SUGCT: variants seen among roughly 807,000 people sequenced by gnomAD.
SUGCT encodes the protein succinyl-CoA:glutarate CoA-transferase.
Under a neutral mutation model 55.0 loss-of-function variants are expected in SUGCT, and 41 were observed. The observed-to-expected ratio is 0.74, with a 90% CI of 0.58 to 0.97. SUGCT has a LOEUF of 0.97. SUGCT is among the 50% of genes least tolerant of loss of function. The probability of loss-of-function intolerance (pLI) is 0.00; values close to 1 mark genes in which losing one functional copy is unlikely to be tolerated. For missense variants in SUGCT, 568 were observed against 547.8 expected, an observed-to-expected ratio of 1.04 and a Z score of -0.37; for synonymous variants, 187 against 200.4, an observed-to-expected ratio of 0.93 and a Z score of 0.56.
At chr7:40,540,596 G>A (rs1419797345) in intron 12 of SUGCT, among the ~76,000 whole-genome samples, 3 of 152,186 alleles carry the variant, frequency 2.0e-5, no homozygotes, top group Non-Finnish European at 2.9e-5. Flanking sequence ...TTACTCTCTG[G>A]GGTATATTAA....
intron 12 of SUGCT, among the ~76,000 whole-genome samples, chr7:40,638,330 T>A (rs1800110592): frequency 6.6e-6 from 1 of 152,224 alleles, no homozygotes. Context: ...AATATTACTC[T>A]TATTTGCATT....
chr7:40,911,544 G>C, the SUGCT span, among the ~76,000 whole-genome samples: 4 of 149,852 alleles, frequency 2.7e-5, no homozygotes, highest in Non-Finnish European at 5.9e-5. Context: ...CTCCAGCCTG[G>C]GTGGCAGAGT....
At chr7:40,958,911 C>T in the SUGCT span, among the ~76,000 whole-genome samples, 5 of 152,158 alleles carry the variant, frequency 3.3e-5, no homozygotes, top group Admixed American at 3.3e-4. Flanking sequence ...TTCCTTCTAA[C>T]AGTCAGGCCC....
the SUGCT span, among the ~76,000 whole-genome samples, chr7:40,984,737 C>T: frequency 0.016 from 2,380 of 152,204 alleles, 67 homozygotes; most frequent in African/African-American, 0.054. Context: ...TGGACAATGT[C>T]GGTGGAAACA....
At chr7:40,369,090 C>G (rs568861689) in intron 9 of SUGCT, among the ~76,000 whole-genome samples, 1 of 148,680 alleles carries the variant, frequency 6.7e-6, no homozygotes, top group Non-Finnish European at 1.5e-5. Context: ...GGTAACAGAG[C>G]GAGACTCTAT....
chr7:40,490,204 CTG>C (rs1286614552), intron 11 of SUGCT, among the ~76,000 whole-genome samples: 1 of 152,200 alleles, frequency 6.6e-6, no homozygotes, highest in African/African-American at 2.4e-5. Flanking sequence ...GACCTGTGGT[CTG>C]TGTTTCCTGC....
At chr7:40,993,988 A>G in the SUGCT span, among the ~76,000 whole-genome samples, 1 of 152,192 alleles carries the variant, frequency 6.6e-6, no homozygotes, top group African/African-American at 2.4e-5. Context: ...TAGTTACCCA[A>G]TTGCCTGACT....
intron 11 of SUGCT, among the ~76,000 whole-genome samples, chr7:40,464,283 T>C (rs1789978587): frequency 6.6e-6 from 1 of 152,182 alleles, no homozygotes; most frequent in South Asian, 2.1e-4. Flanking sequence ...GCTCATGGTC[T>C]AATTAGGAAA....
intron 12 of SUGCT, among the ~76,000 whole-genome samples, chr7:40,651,374 C>A (rs1325513748): frequency 6.6e-6 from 1 of 151,966 alleles, no homozygotes; most frequent in Non-Finnish European, 1.5e-5. Flanking sequence ...TGTTTCTTGG[C>A]CACATGAATG....
At chr7:40,439,784 T>C (rs890443840) in intron 9 of SUGCT, among the ~76,000 whole-genome samples, 1 of 152,202 alleles carries the variant, frequency 6.6e-6, no homozygotes, top group Non-Finnish European at 1.5e-5. Context: ...TTTCAGTCCG[T>C]GCTCATCCCT....
At chr7:40,909,059 C>G in the SUGCT span, among the ~76,000 whole-genome samples, 2 of 151,836 alleles carry the variant, frequency 1.3e-5, no homozygotes, top group African/African-American at 2.4e-5. Flanking sequence ...GGTTTTTTCC[C>G]CACTTTATTG....
chr7:40,687,260 A>C (rs534588446), intron 12 of SUGCT, among the ~76,000 whole-genome samples: 4 of 152,078 alleles, frequency 2.6e-5, no homozygotes, highest in Non-Finnish European at 5.9e-5. Context: ...TCTAATTGTC[A>C]CTCTCCAAGC....
chr7:40,503,026 A>G (rs1037593493), intron 12 of SUGCT, among the ~76,000 whole-genome samples: 9 of 152,164 alleles, frequency 5.9e-5, no homozygotes, highest in African/African-American at 1.4e-4. Context: ...AATGATTTCT[A>G]TAGTAACAAA....
At position 40,783,651 on chromosome 7, in the gene SUGCT, T is replaced by G. The variant is rs1054939401; in HGVS notation, c.1153+34154T>G. ...AGACACCCCTTTCCAGCCACTGATT[T>G]GCTGTCCAATGCTAAATTCTGAAGA... On this transcript the variant is annotated intron_variant, in intron 13 of 13. Coordinates refer to ENST00000335693, the MANE Select transcript of SUGCT (RefSeq NM_001193313.2). The G allele has an allele frequency of 3.3e-5, 5 of 152,122 alleles. No homozygotes were observed. The South Asian group carries it at 1.0e-3, about 32-fold the overall frequency. The allele number at this position is 152,122 out of a possible 1,614,324, so 9.4% of individuals were successfully genotyped here.
intron 12 of SUGCT, among the ~76,000 whole-genome samples, chr7:40,512,697 A>T (rs2151555142): frequency 6.6e-6 from 1 of 152,178 alleles, no homozygotes; most frequent in South Asian, 2.1e-4. Flanking sequence ...AAATGTGGAA[A>T]ATGTGGTGAA....
intron 12 of SUGCT, among the ~76,000 whole-genome samples, chr7:40,615,139 A>T (rs577884502): frequency 5.3e-5 from 8 of 152,234 alleles, no homozygotes; most frequent in Admixed American, 4.6e-4. Context: ...CTAATTCTAT[A>T]TTGAATGCTG....
intron 5 of SUGCT, among the ~76,000 whole-genome samples, chr7:40,194,611 T>A (rs1478573145): frequency 3.3e-5 from 5 of 152,242 alleles, no homozygotes; most frequent in Admixed American, 3.3e-4. Context: ...TTCATTGATT[T>A]AGTGTACTTA....
chr7:40,741,662 G>T (rs1468302561), intron 12 of SUGCT, among the ~76,000 whole-genome samples: 1 of 152,178 alleles, frequency 6.6e-6, no homozygotes, highest in African/African-American at 2.4e-5. Flanking sequence ...AGCATTGTTT[G>T]CCATGGTAAA....
chr7:40,894,868 A>G, the SUGCT span, among the ~76,000 whole-genome samples: 2 of 152,208 alleles, frequency 1.3e-5, no homozygotes, highest in African/African-American at 4.8e-5. Context: ...TGGTGGGAAT[A>G]TAAATTAGTT....
Sources: gnomAD v4.1 joint callset for allele counts (sites outside exome capture counted in the v4.1 genomes callset) on GRCh38, gnomAD v4.1.1 for gene constraint, MANE v1.5 for transcripts, NCBI Gene and HGNC (gene_info 2026-07-23, HGNC 2026-07-21) for gene names.